The following AGBL1 variants were observed in gnomAD, a reference collection of about 807,000 sequenced individuals.
AGBL1 encodes the protein cytosolic carboxypeptidase 4.
A neutral mutation model predicts 118.9 loss-of-function variants in AGBL1; 130 were observed. That is an observed-to-expected ratio of 1.09 (90% confidence interval 0.95 to 1.26). AGBL1 has a LOEUF of 1.26. AGBL1 is among the 50% of genes most tolerant of loss of function. AGBL1 has a pLI of 0.00. For synonymous variants in AGBL1, 555 were observed against 478.9 expected, an observed-to-expected ratio of 1.16 and a Z score of -2.08; for missense variants, 1,584 against 1,298.1, an observed-to-expected ratio of 1.22 and a Z score of -3.38.
At chr15:86,370,546 C>T (rs1252336368) in intron 17 of AGBL1, among the ~76,000 whole-genome samples, 1 of 152,188 alleles carries the variant, frequency 6.6e-6, no homozygotes, top group East Asian at 1.9e-4. Context: ...CCACCCACCT[C>T]AGCCTCCCAA....
chr15:86,132,355 G>A (rs527571126), intron 1 of AGBL1, among the ~76,000 whole-genome samples: 59 of 152,282 alleles, frequency 3.9e-4, no homozygotes, highest in Non-Finnish European at 5.9e-4. Flanking sequence ...GGATTCAGAG[G>A]GGATGAAGGT....
chr15:86,241,787 G>A (rs532886662), intron 6 of AGBL1, among the ~76,000 whole-genome samples: 1 of 152,284 alleles, frequency 6.6e-6, no homozygotes, highest in African/African-American at 2.4e-5. Flanking sequence ...GTAACATTGA[G>A]TAACTTAACC....
At chr15:86,157,563 T>C (rs1184007728) in intron 4 of AGBL1, among the ~76,000 whole-genome samples, 1 of 152,214 alleles carries the variant, frequency 6.6e-6, no homozygotes, top group Non-Finnish European at 1.5e-5. Flanking sequence ...CTTCTAAGCC[T>C]ACGTTGATTG....
chr15:86,881,617 A>G (rs1003026527), intron 22 of AGBL1, among the ~76,000 whole-genome samples: 33 of 152,124 alleles, frequency 2.2e-4, no homozygotes, highest in African/African-American at 7.5e-4. Context: ...GAGGAGGAAG[A>G]TGGCAGAGGG....
At chr15:86,160,301 T>C (rs1427723637) in intron 5 of AGBL1, among the ~76,000 whole-genome samples, 2 of 152,172 alleles carry the variant, frequency 1.3e-5, no homozygotes, top group African/African-American at 4.8e-5. Flanking sequence ...ATTTATTTTC[T>C]ATGATTATAT....
intron 17 of AGBL1, among the ~76,000 whole-genome samples, chr15:86,318,059 A>T (rs2080043579): frequency 6.6e-6 from 1 of 152,218 alleles, no homozygotes. Context: ...TTCATGAAAT[A>T]TTCTGGGCAT....
chr15:86,925,416 AAAG>A (rs1307098499), intron 23 of AGBL1, among the ~76,000 whole-genome samples: 2 of 152,314 alleles, frequency 1.3e-5, no homozygotes, highest in East Asian at 3.9e-4. Context: ...ATTATAGGGC[AAAG>A]AAGAAGCATT....
At chr15:86,596,594 T>C (rs2084408083) in intron 21 of AGBL1, among the ~76,000 whole-genome samples, 1 of 151,456 alleles carries the variant, frequency 6.6e-6, no homozygotes, top group Admixed American at 6.6e-5. Flanking sequence ...CTTCTCTCTC[T>C]TTTTTTTTCC....
At chr15:86,438,280 A>G (rs1015582596) in intron 18 of AGBL1, among the ~76,000 whole-genome samples, 2 of 152,208 alleles carry the variant, frequency 1.3e-5, no homozygotes, top group Non-Finnish European at 2.9e-5. Context: ...ACTAGGTAAG[A>G]GAGATCTGAC....
At chr15:86,459,223 G>A (rs1379001736) in intron 18 of AGBL1, among the ~76,000 whole-genome samples, 2 of 152,130 alleles carry the variant, frequency 1.3e-5, no homozygotes, top group African/African-American at 4.8e-5. Flanking sequence ...TGTTTTCAGT[G>A]TAATATCACA....
At chr15:86,958,071 G>A (rs1405533737) in intron 23 of AGBL1, among the ~76,000 whole-genome samples, 4 of 151,926 alleles carry the variant, frequency 2.6e-5, no homozygotes, top group Non-Finnish European at 4.4e-5. Flanking sequence ...CCGATTGTGT[G>A]TCATACAACT....
chr15:86,808,357 A>C (rs1272081386), intron 22 of AGBL1, among the ~76,000 whole-genome samples: 1 of 152,202 alleles, frequency 6.6e-6, no homozygotes, highest in Non-Finnish European at 1.5e-5. Context: ...TGAGGAGCTG[A>C]CCAAGATTTC....
intron 18 of AGBL1, among the ~76,000 whole-genome samples, chr15:86,496,437 A>G (rs956411442): frequency 2.2e-4 from 34 of 152,066 alleles, no homozygotes; most frequent in African/African-American, 1.4e-4. Context: ...ATCTGTTTTA[A>G]GTATGCATCC....
intron 22 of AGBL1, among the ~76,000 whole-genome samples, chr15:86,895,030 A>T (rs1327989073): frequency 3.6e-5 from 5 of 138,076 alleles, no homozygotes; most frequent in African/African-American, 1.4e-4. Context: ...TCATCTTTTC[A>T]TATCCATCCC....
intron 18 of AGBL1, among the ~76,000 whole-genome samples, chr15:86,481,177 A>G (rs2082647571): frequency 1.3e-5 from 2 of 150,824 alleles, no homozygotes; most frequent in African/African-American, 2.4e-5. Flanking sequence ...TTGGCTTGCC[A>G]TGTTTAGAGG....
chr15:86,866,656 C>T (rs1399053640), intron 22 of AGBL1, among the ~76,000 whole-genome samples: 1 of 152,146 alleles, frequency 6.6e-6, no homozygotes, highest in Non-Finnish European at 1.5e-5. Context: ...AAGTTCAAGA[C>T]CAGCCTGGCC....
intron 19 of AGBL1, among the ~76,000 whole-genome samples, chr15:86,536,335 G>A (rs1280729851): frequency 6.6e-6 from 1 of 152,024 alleles, no homozygotes; most frequent in Admixed American, 6.6e-5. Context: ...TTTTTGAGAT[G>A]GGGTCTCGAT....
intron 14 of AGBL1, among the ~76,000 whole-genome samples, chr15:86,271,249 A>C (rs926782882): frequency 1.3e-5 from 2 of 151,434 alleles, no homozygotes; most frequent in Non-Finnish European, 2.9e-5. Flanking sequence ...TTTTTAGTAG[A>C]GATGGAGTTT....
intron 21 of AGBL1, among the ~76,000 whole-genome samples, chr15:86,585,292 T>C (rs572758832): frequency 6.6e-6 from 1 of 152,244 alleles, no homozygotes; most frequent in East Asian, 1.9e-4. Context: ...AGTCAGAAGA[T>C]AGAATGCTGG....
Sources: gnomAD v4.1 joint callset for allele counts (sites outside exome capture counted in the v4.1 genomes callset) on GRCh38, gnomAD v4.1.1 for gene constraint, MANE v1.5 for transcripts, NCBI Gene and HGNC (gene_info 2026-07-23, HGNC 2026-07-21) for gene names.